Variants in LRRN1 observed in about 807,000 individuals in gnomAD.
LRRN1 encodes the protein leucine-rich repeat neuronal protein 1.
A neutral mutation model predicts 45.8 loss-of-function variants in LRRN1; 14 were observed. That is an observed-to-expected ratio of 0.31 (90% CI 0.20 to 0.48). The LOEUF (loss-of-function observed/expected upper bound fraction) is 0.48. LRRN1 is among the 20% of genes least tolerant of loss of function. The pLI is 0.99. For synonymous variants in LRRN1, 359 were observed against 330.1 expected, an observed-to-expected ratio of 1.09 and a Z score of -0.95; for missense variants, 789 against 874.2, an observed-to-expected ratio of 0.90 and a Z score of 1.23.
intron 1 of LRRN1, among the ~76,000 whole-genome samples, chr3:3,829,797 T>C (rs1314428232): frequency 6.6e-6 from 1 of 152,168 alleles, no homozygotes; most frequent in African/African-American, 2.4e-5. Context: ...CAGATGTTAG[T>C]CTTGGTAAAA....
intron 1 of LRRN1, among the ~76,000 whole-genome samples, chr3:3,828,600 C>T (rs75074383): frequency 0.034 from 5,190 of 152,156 alleles, 305 homozygotes; most frequent in African/African-American, 0.12. Flanking sequence ...CTCCTGAGAT[C>T]ATACATTACC....
rs1051526974 is a variant in LRRN1 at position 3,845,861 on chromosome 3, G to T, written c.1220G>T (p.Gly407Val). The T allele has an allele frequency of 6.2e-7, 1 of 1,614,080 alleles. No individual in the cohort carries two copies. The part of the protein sequence containing the change: ...MFCAMPPEYK[G>V]HQVKEVLIQD... ...TGTGCCATGCCGCCCGAATATAAAG[G>T]GCACCAGGTGAAGGAAGTTTTAATC... The change falls in exon 2 of 2, where the codon GGG (glycine) becomes GTG (valine). Residue 407 changes from glycine (G) to valine (V), a missense_variant. Physicochemically the swap from Gly to Val is moderately radical, Grantham distance 109. Transcript: ENST00000319331. This position sits in a 1 kb window ranked among gnomAD's most constrained non-coding sequence, Gnocchi z 6.5.
At chr3:3,812,630 T>A (rs1275693549) in intron 1 of LRRN1, among the ~76,000 whole-genome samples, 1 of 152,212 alleles carries the variant, frequency 6.6e-6, no homozygotes, top group African/African-American at 2.4e-5. Flanking sequence ...GACAGAAGGC[T>A]TGAATTGGTG....
intron 1 of LRRN1, among the ~76,000 whole-genome samples, chr3:3,843,153 T>C (rs1693682927): frequency 6.6e-6 from 1 of 152,224 alleles, no homozygotes; most frequent in Non-Finnish European, 1.5e-5. Context: ...AATAATCCTA[T>C]GAGAACTGTC....
chr3:3,817,965 T>C (rs1487313377), intron 1 of LRRN1, among the ~76,000 whole-genome samples: 3 of 152,222 alleles, frequency 2.0e-5, no homozygotes, highest in Non-Finnish European at 4.4e-5. Context: ...CATCCAAAAA[T>C]CTATGGCTCA....
At chr3:3,801,917 T>G (rs969084018) in intron 1 of LRRN1, among the ~76,000 whole-genome samples, 2 of 152,240 alleles carry the variant, frequency 1.3e-5, no homozygotes, top group Non-Finnish European at 2.9e-5. Context: ...CGAGTTTTCT[T>G]TTAATAATTT....
At chr3:3,827,288 G>A (rs1575291161) in intron 1 of LRRN1, 1 of 236,226 alleles carries the variant, frequency 4.2e-6, no homozygotes, top group East Asian at 1.0e-4. Context: ...CTCTCCAGAA[G>A]CCGCATTCTT....
chr3:3,828,072 AG>A (rs757545491), intron 1 of LRRN1, among the ~76,000 whole-genome samples: 2 of 151,432 alleles, frequency 1.3e-5, no homozygotes, highest in Non-Finnish European at 2.9e-5. Context: ...TAAGTATTTG[AG>A]GGCTCACTAT....
intron 1 of LRRN1, among the ~76,000 whole-genome samples, chr3:3,835,394 GTTTCTACTAAGTGTGTACTGC>G (rs1175223765): frequency 6.6e-6 from 1 of 152,116 alleles, no homozygotes; most frequent in Non-Finnish European, 1.5e-5. Flanking sequence ...TCACAGTATG[GTTTCTACTAAGTGTGTACTGC>G]TTTCACACCT....
At position 3,848,379 on chromosome 3, in the gene LRRN1, A is replaced by G. The variant is rs1445603656; in HGVS notation, c.*1587A>G. Among the ~76,000 whole-genome samples the G allele has an allele frequency of 1.3e-5, 2 of 152,168 alleles. No homozygotes were observed. Among genetic ancestry groups the G allele is most frequent in the Admixed American group, 1.3e-4 (2 of 15,272 alleles). On this transcript the variant is annotated 3_prime_UTR_variant, in exon 2 of 2. Coordinates refer to ENST00000319331, the MANE Select transcript of LRRN1 (RefSeq NM_020873.7). Reference sequence around the variant, plus strand: ...AAGGGCAGAGGGAGGGATGGGATTTAATAGGTAAAGAAGAACCCATTTGAA... The same window carrying G: ...AAGGGCAGAGGGAGGGATGGGATTTGATAGGTAAAGAAGAACCCATTTGAA...
chr3:3,814,945 A>G (rs1303455423), intron 1 of LRRN1, among the ~76,000 whole-genome samples: 3 of 152,196 alleles, frequency 2.0e-5, no homozygotes, highest in African/African-American at 4.8e-5. Context: ...TGGAGTAAGA[A>G]TCTTAAAAAT....
chr3:3,833,070 A>C (rs1693403545), intron 1 of LRRN1, among the ~76,000 whole-genome samples: 1 of 152,150 alleles, frequency 6.6e-6, no homozygotes, highest in Non-Finnish European at 1.5e-5. Context: ...TGCTGTTCCC[A>C]CCGTTAGATC....
At chr3:3,842,301 G>A (rs920181054) in intron 1 of LRRN1, among the ~76,000 whole-genome samples, 1 of 151,722 alleles carries the variant, frequency 6.6e-6, no homozygotes, top group South Asian at 2.1e-4. Flanking sequence ...AATGCCAAAT[G>A]TATGTTTCCT....
chr3:3,803,563 A>T (rs1692698377), intron 1 of LRRN1, among the ~76,000 whole-genome samples: 1 of 152,240 alleles, frequency 6.6e-6, no homozygotes, highest in Non-Finnish European at 1.5e-5. Context: ...ATCTGGAGAT[A>T]AAGCAAATTC....
intron 1 of LRRN1, among the ~76,000 whole-genome samples, chr3:3,823,581 A>T (rs1015628873): frequency 6.6e-6 from 1 of 152,108 alleles, no homozygotes; most frequent in Non-Finnish European, 1.5e-5. Context: ...AAATCCTGCT[A>T]TGATCCACTG....
At chr3:3,827,876 C>A (rs540759319) in intron 1 of LRRN1, among the ~76,000 whole-genome samples, 5 of 152,016 alleles carry the variant, frequency 3.3e-5, no homozygotes, top group Non-Finnish European at 7.4e-5. Flanking sequence ...TATTTGGTCT[C>A]TGGATTTTAT....
intron 1 of LRRN1, among the ~76,000 whole-genome samples, chr3:3,840,702 G>A (rs919944939): frequency 6.6e-6 from 1 of 152,066 alleles, no homozygotes; most frequent in Non-Finnish European, 1.5e-5. Context: ...GAATGTAGGA[G>A]AAAAAAATGT....
chr3:3,809,563 A>T (rs12054065), intron 1 of LRRN1, among the ~76,000 whole-genome samples: 73 of 152,220 alleles, frequency 4.8e-4, no homozygotes, highest in Non-Finnish European at 9.6e-4. Flanking sequence ...ATGCAAGTGA[A>T]GCATCAGAGC....
In LRRN1 at chr3:3,827,180, G is replaced by C. The variant is rs1037499382; in HGVS notation, c.-278-17184G>C. 1.3e-5 allele frequency: 3 copies of C among 224,586 alleles called. No individual in the cohort carries two copies. In the East Asian group the frequency reaches 3.1e-4, roughly 23 times the overall value. 13.9% of individuals were successfully genotyped at this position (224,586 alleles called of 1,614,324 possible). A position where few individuals can be genotyped will look rare whatever the true frequency, so the allele number is the denominator to read the frequency against. ...ATTCTCTCACAGTCCTTATAAAGCA[G>C]GTTTTATAATCTCCATTTTCTTAAA... On this transcript the variant is annotated intron_variant, in intron 1 of 1. Coordinates refer to ENST00000319331, the MANE Select transcript of LRRN1 (RefSeq NM_020873.7).
Sources: gnomAD v4.1 joint callset for allele counts (sites outside exome capture counted in the v4.1 genomes callset) on GRCh38, gnomAD v4.1.1 for gene constraint, Gnocchi (gnomAD v3.1) non-coding constraint, MANE v1.5 for transcripts, NCBI Gene and HGNC (gene_info 2026-07-23, HGNC 2026-07-21) for gene names.